Variants in ADAMTSL1 observed in about 807,000 individuals in gnomAD.
The protein encoded by ADAMTSL1 is ADAMTS-like protein 1.
Under a neutral mutation model 201.8 loss-of-function variants are expected in ADAMTSL1, and 126 were observed. The ratio of observed to expected loss-of-function variants is 0.62; its 90% CI spans 0.54 to 0.72. ADAMTSL1 has a LOEUF of 0.72. Among genes scored for constraint, ADAMTSL1 ranks in the 30% least tolerant of loss-of-function variants. ADAMTSL1 has a pLI of 0.00. For missense variants in ADAMTSL1, 2,679 were observed against 2,277.8 expected (o/e 1.18, Z -3.59); for synonymous variants, 1,121 against 903.4 (o/e 1.24, Z -4.32).
At chr9:17,996,311 A>G (rs1336017852) in intron 1 of ADAMTSL1, among the ~76,000 whole-genome samples, 6 of 152,180 alleles carry the variant, frequency 3.9e-5, no homozygotes, top group Non-Finnish European at 8.8e-5. Context: ...CTGGCTTTTC[A>G]CTTGTGTGCT....
intron 2 of ADAMTSL1, among the ~76,000 whole-genome samples, chr9:18,179,366 T>C (rs1252270855): frequency 1.3e-5 from 2 of 152,018 alleles, no homozygotes; most frequent in African/African-American, 4.8e-5. Flanking sequence ...CCAAGAAATA[T>C]GGGACTACGT....
chr9:17,998,874 A>G (rs755093437), intron 1 of ADAMTSL1, among the ~76,000 whole-genome samples: 1 of 152,064 alleles, frequency 6.6e-6, no homozygotes, highest in Non-Finnish European at 1.5e-5. Flanking sequence ...ACAGAAATCA[A>G]GCATATGTTC....
At chr9:18,666,041 C>T (rs182970279) in intron 9 of ADAMTSL1, among the ~76,000 whole-genome samples, 613 of 152,206 alleles carry the variant, frequency 4.0e-3, no homozygotes, top group Non-Finnish European at 6.9e-3. Flanking sequence ...AATAATTTGG[C>T]ATTCTTGGTT....
At chr9:18,806,314 G>C (rs1007448891) in intron 20 of ADAMTSL1, among the ~76,000 whole-genome samples, 1 of 152,204 alleles carries the variant, frequency 6.6e-6, no homozygotes, top group Non-Finnish European at 1.5e-5. Flanking sequence ...CTTCACGTCT[G>C]TTCATGTTCC....
At chr9:18,894,952 T>C (rs1829527397) in intron 26 of ADAMTSL1, among the ~76,000 whole-genome samples, 1 of 152,148 alleles carries the variant, frequency 6.6e-6, no homozygotes, top group Non-Finnish European at 1.5e-5. Flanking sequence ...GAGGAGCTTT[T>C]TCCAGAAGGA....
chr9:18,557,059 T>C (rs188801124), intron 3 of ADAMTSL1, among the ~76,000 whole-genome samples: 2 of 152,086 alleles, frequency 1.3e-5, no homozygotes, highest in East Asian at 1.9e-4. Context: ...TTAAACTCTT[T>C]CCATGGTTTT....
chr9:18,507,931 T>C (rs1817784148), intron 2 of ADAMTSL1, among the ~76,000 whole-genome samples: 1 of 152,144 alleles, frequency 6.6e-6, no homozygotes, highest in Non-Finnish European at 1.5e-5. Context: ...ACGCCTGTAA[T>C]TGCAGCACTT....
chr9:18,120,431 C>A (rs113922016), intron 1 of ADAMTSL1, among the ~76,000 whole-genome samples: 1 of 152,268 alleles, frequency 6.6e-6, no homozygotes, highest in African/African-American at 2.4e-5. Context: ...GAGGAGGTGT[C>A]AGGACTAGAG....
intron 1 of ADAMTSL1, among the ~76,000 whole-genome samples, chr9:18,085,809 G>C (rs1224412449): frequency 6.6e-6 from 1 of 151,370 alleles, no homozygotes. Flanking sequence ...ACACACAGTA[G>C]CTGGTTGGCA....
intron 2 of ADAMTSL1, among the ~76,000 whole-genome samples, chr9:18,288,046 C>T (rs575542062): frequency 1.9e-4 from 29 of 152,110 alleles, no homozygotes; most frequent in East Asian, 3.9e-4. Flanking sequence ...TGAGCCTGAG[C>T]GGTGGCACTG....
intron 1 of ADAMTSL1, among the ~76,000 whole-genome samples, chr9:17,964,634 T>G (rs916915578): frequency 1.3e-4 from 20 of 152,234 alleles, no homozygotes; most frequent in African/African-American, 4.8e-4. Flanking sequence ...ATAAGATAGG[T>G]GGATGATATC....
chr9:18,877,205 T>C (rs956630652), intron 23 of ADAMTSL1, among the ~76,000 whole-genome samples: 1 of 152,228 alleles, frequency 6.6e-6, no homozygotes, highest in Admixed American at 6.5e-5. Flanking sequence ...CCTCCTTGAG[T>C]AACTTAATAA....
chr9:18,849,242 G>A (rs888843150), intron 23 of ADAMTSL1, among the ~76,000 whole-genome samples: 2 of 152,122 alleles, frequency 1.3e-5, no homozygotes, highest in African/African-American at 2.4e-5. Flanking sequence ...CTCTTGAATT[G>A]TTTTCATCTC....
chr9:17,958,807 A>T (rs1414049209), intron 1 of ADAMTSL1, among the ~76,000 whole-genome samples: 3 of 152,222 alleles, frequency 2.0e-5, no homozygotes, highest in Non-Finnish European at 1.5e-5. Context: ...AATATGTAAC[A>T]TTACAGAAAG....
chr9:18,550,632 T>A (rs1820743302), intron 3 of ADAMTSL1, among the ~76,000 whole-genome samples: 1 of 151,906 alleles, frequency 6.6e-6, no homozygotes, highest in Non-Finnish European at 1.5e-5. Flanking sequence ...GCCCTTCCAA[T>A]GCCTTGATTT....
intron 20 of ADAMTSL1, among the ~76,000 whole-genome samples, chr9:18,801,623 C>T (rs1177879412): frequency 6.6e-6 from 1 of 152,304 alleles, no homozygotes; most frequent in East Asian, 1.9e-4. Context: ...TAAGTGAGCA[C>T]ATGCAGTACT....
At chr9:18,594,760 G>C (rs542083576) in intron 4 of ADAMTSL1, among the ~76,000 whole-genome samples, 7 of 152,174 alleles carry the variant, frequency 4.6e-5, no homozygotes, top group Non-Finnish European at 8.8e-5. Flanking sequence ...CAGCTATTTT[G>C]AGTTATTTGT....
At chr9:18,428,742 A>G (rs1257717757) in intron 2 of ADAMTSL1, among the ~76,000 whole-genome samples, 1 of 152,242 alleles carries the variant, frequency 6.6e-6, no homozygotes, top group Non-Finnish European at 1.5e-5. Flanking sequence ...TCAACTGTGT[A>G]TTTCTTTAAT....
intron 1 of ADAMTSL1, among the ~76,000 whole-genome samples, chr9:18,156,637 TACACAC>T (rs56324477): frequency 3.0e-4 from 45 of 150,238 alleles, no homozygotes; most frequent in African/African-American, 1.0e-3. Flanking sequence ...CATAAACACA[TACACAC>T]ACACACACAC....
Sources: gnomAD v4.1 joint callset for allele counts (sites outside exome capture counted in the v4.1 genomes callset) on GRCh38, gnomAD v4.1.1 for gene constraint, MANE v1.5 for transcripts, NCBI Gene and HGNC (gene_info 2026-07-23, HGNC 2026-07-21) for gene names.